The following SLC39A10 variants were observed in gnomAD, a reference collection of about 807,000 sequenced individuals.
SLC39A10 encodes zinc transporter ZIP10.
SLC39A10 carries 13 observed loss-of-function variants against 65.1 expected under a neutral mutation model. That is an observed-to-expected ratio of 0.20 (90% CI 0.13 to 0.32). The LOEUF is 0.32. SLC39A10 is among the 10% of genes least tolerant of loss of function. The pLI, the probability that SLC39A10 is intolerant of heterozygous loss-of-function variation, is 1.00. For missense variants in SLC39A10, 831 were observed against 1,018.4 expected (o/e 0.82, Z 2.50); for synonymous variants, 321 against 342.2 (o/e 0.94, Z 0.68).
At chr2:195,660,642 T>C (rs1048040292) in intron 1 of SLC39A10, among the ~76,000 whole-genome samples, 1 of 152,240 alleles carries the variant, frequency 6.6e-6, no homozygotes, top group African/African-American at 2.4e-5. Flanking sequence ...TGAATTCTGA[T>C]TGCTTTTAGC....
chr2:195,632,359 G>T (rs1688603904), intron 2 of SLC39A10, among the ~76,000 whole-genome samples: 1 of 139,052 alleles, frequency 7.2e-6, no homozygotes, highest in South Asian at 2.2e-4. Flanking sequence ...GAGTGCTGTG[G>T]TGCCATCTCG....
intron 2 of SLC39A10, among the ~76,000 whole-genome samples, chr2:195,618,679 T>G (rs2105684325): frequency 6.6e-6 from 1 of 152,328 alleles, no homozygotes; most frequent in Non-Finnish European, 1.5e-5. Flanking sequence ...TTAGAAGGAA[T>G]GATAGCAAGA....
chr2:195,675,522 G>A (rs57555246), intron 1 of SLC39A10, among the ~76,000 whole-genome samples: 13 of 152,286 alleles, frequency 8.5e-5, no homozygotes, highest in African/African-American at 3.1e-4. Context: ...TGCAAGCTGC[G>A]CTTCCCGGGT....
chr2:195,622,782 C>T (rs1376478823), intron 2 of SLC39A10, among the ~76,000 whole-genome samples: 1 of 152,022 alleles, frequency 6.6e-6, no homozygotes, highest in Non-Finnish European at 1.5e-5. Flanking sequence ...ACCAGCCTGG[C>T]CAAGATGGTG....
At chr2:195,624,785 A>G (rs865904118) in intron 2 of SLC39A10, among the ~76,000 whole-genome samples, 1 of 149,944 alleles carries the variant, frequency 6.7e-6, no homozygotes, top group Non-Finnish European at 1.5e-5. Flanking sequence ...AGCCTGAGGC[A>G]GGAGAATCAC....
chr2:195,695,690 G>C (rs1371150834), intron 3 of SLC39A10, among the ~76,000 whole-genome samples: 1 of 152,236 alleles, frequency 6.6e-6, no homozygotes, highest in Non-Finnish European at 1.5e-5. Context: ...GTCTCCACAT[G>C]CTGCTCTGTC....
At position 195,735,053 on chromosome 2, in the gene SLC39A10, A is replaced by T; in HGVS notation, c.*12A>T. 1 of 1,607,234 alleles carries T rather than the reference A, an allele frequency of 6.2e-7. No individual in the cohort carries two copies. The highest frequency in any genetic ancestry group is 1.1e-5 in the South Asian group (1 of 89,638). On this transcript the variant is annotated 3_prime_UTR_variant, in exon 10 of 10. Transcript: ENST00000359634. ...ACATCCAGTTTTGACCTTTCCCAGT[A>T]ATCACTGTTGATTACGAGAATGTTA... is the stretch of plus-strand genomic sequence containing the variant.
At position 195,681,043 on chromosome 2, in the gene SLC39A10, A is replaced by G. The variant is rs1234875114; in HGVS notation, c.1001A>G (p.His334Arg). 6.2e-7 allele frequency: 1 copy of G among 1,603,816 alleles called. No homozygotes were observed. The highest frequency in any genetic ancestry group is 8.5e-7 in the Non-Finnish European group (1 of 1,174,088). Residue 334 changes from histidine to arginine, a missense_variant, in exon 2 of 10, where the codon CAT (histidine) becomes CGT (arginine). Physicochemically the swap from His to Arg is conservative, Grantham distance 29. Around this residue, in one of 4 missense-constraint regions of SLC39A10, gnomAD observed 446 missense variants for 499.2 expected, o/e 0.89. Transcript: ENST00000359634. Reference protein sequence around the residue: ...LRKDLNEDDHHHECLNVTQLL... With the variant: ...LRKDLNEDDHRHECLNVTQLL... ...AAAGATCTAAATGAAGATGACCATC[A>G]TCATGAAGTAAGTATAAAAAGATGT...
chr2:195,613,872 G>A (rs181943919), intron 2 of SLC39A10, among the ~76,000 whole-genome samples: 4 of 152,274 alleles, frequency 2.6e-5, no homozygotes, highest in East Asian at 3.9e-4. Context: ...ACTATTTTCC[G>A]TTTAAATTTT....
chr2:195,701,256 CCA>C (rs1691172041), intron 3 of SLC39A10, among the ~76,000 whole-genome samples: 1 of 151,252 alleles, frequency 6.6e-6, no homozygotes, highest in Non-Finnish European at 1.5e-5. Context: ...CTTCGCAGTT[CCA>C]GAGTTTCTTT....
At chr2:195,619,918 T>G (rs1057201887) in intron 2 of SLC39A10, among the ~76,000 whole-genome samples, 1 of 151,238 alleles carries the variant, frequency 6.6e-6, no homozygotes, top group Non-Finnish European at 1.5e-5. Flanking sequence ...ACTTTACTAT[T>G]TATTTATTTA....
At chr2:195,714,738 T>C (rs2105823114) in intron 6 of SLC39A10, among the ~76,000 whole-genome samples, 1 of 152,358 alleles carries the variant, frequency 6.6e-6, no homozygotes, top group Non-Finnish European at 1.5e-5. Flanking sequence ...AATCCAAATT[T>C]AGTTATTCTG....
intron 8 of SLC39A10, among the ~76,000 whole-genome samples, chr2:195,723,048 C>T (rs1411668372): frequency 1.3e-5 from 2 of 152,152 alleles, no homozygotes; most frequent in Admixed American, 1.3e-4. Context: ...GCAGTTTCTG[C>T]AGGTGTTTTT....
intron 8 of SLC39A10, among the ~76,000 whole-genome samples, chr2:195,726,803 T>G (rs1324784641): frequency 1.3e-5 from 2 of 152,212 alleles, no homozygotes; most frequent in African/African-American, 4.8e-5. Context: ...GATCATGTAT[T>G]TTTAGATACG....
At chr2:195,683,596 T>G (rs1436893308) in intron 2 of SLC39A10, 103 bp from the exon 3 acceptor site, 2 of 846,364 alleles carry the variant, frequency 2.4e-6, no homozygotes, top group African/African-American at 3.4e-5. Context: ...TTACAGATTA[T>G]TTGCAAGTAA....
At chr2:195,700,391 G>T (rs1423089802) in intron 3 of SLC39A10, among the ~76,000 whole-genome samples, 1 of 152,006 alleles carries the variant, frequency 6.6e-6, no homozygotes, top group African/African-American at 2.4e-5. Context: ...TGTATATTCT[G>T]TGCTGTTTTC....
At chr2:195,644,408 C>T (rs1165854073) in intron 2 of SLC39A10, among the ~76,000 whole-genome samples, 1 of 143,612 alleles carries the variant, frequency 7.0e-6, no homozygotes, top group East Asian at 2.1e-4. Context: ...GTGGCACGAT[C>T]TCGGCTCACT....
intron 3 of SLC39A10, among the ~76,000 whole-genome samples, chr2:195,705,870 A>G (rs1456805941): frequency 6.6e-6 from 1 of 152,176 alleles, no homozygotes; most frequent in South Asian, 2.1e-4. Context: ...AGATAAAGAC[A>G]TGTATACAGA....
chr2:195,694,319 G>GT (rs199604413), intron 3 of SLC39A10, among the ~76,000 whole-genome samples: 1,829 of 152,252 alleles, frequency 0.012, 77 homozygotes, highest in Admixed American at 0.078. Context: ...CCGTTCATTT[G>GT]TTTTAGGGTA....
Sources: gnomAD v4.1 joint callset for allele counts (sites outside exome capture counted in the v4.1 genomes callset) on GRCh38, gnomAD v4.1.1 for gene constraint, gnomAD v4.1.1 regional missense constraint, MANE v1.5 for transcripts, NCBI Gene and HGNC (gene_info 2026-07-23, HGNC 2026-07-21) for gene names.